The following KSR1 variants were observed in gnomAD, a reference collection of about 807,000 sequenced individuals.
KSR1 encodes the protein kinase suppressor of ras.
Under a neutral mutation model 92.9 loss-of-function variants are expected in KSR1, and 35 were observed. The ratio of observed to expected loss-of-function variants is 0.38; its 90% CI spans 0.29 to 0.50. The LOEUF (loss-of-function observed/expected upper bound fraction) is 0.50. KSR1 is among the 20% of genes least tolerant of loss of function. KSR1 has a pLI of 0.94. For missense variants in KSR1, 972 were observed against 1,158.5 expected (o/e 0.84, Z 2.34); for synonymous variants, 467 against 472.6 (o/e 0.99, Z 0.15).
At chr17:27,496,188 G>C (rs757021959) in intron 1 of KSR1, among the ~76,000 whole-genome samples, 5 of 152,292 alleles carry the variant, frequency 3.3e-5, no homozygotes, top group Admixed American at 2.0e-4. Context: ...TTGAGTAAGA[G>C]AGTGAGGCCC....
Position 27,583,111 on chromosome 17 carries a change from T to C in KSR1, c.980+6T>C. Reference sequence around the variant, plus strand: ...GATGACGTCTCCTCGATGAGGTGAGTGCTCCTTCTGGGCAGCTACCAAAAG... The same window carrying C: ...GATGACGTCTCCTCGATGAGGTGAGCGCTCCTTCTGGGCAGCTACCAAAAG... On this transcript the variant is annotated splice_donor_region_variant and intron_variant, in intron 4 of 20. Coordinates refer to ENST00000644974, the MANE Select transcript of KSR1 (RefSeq NM_001394583.1). 1 of 1,523,282 alleles carries C rather than the reference T, an allele frequency of 6.6e-7. No homozygotes were observed. Among genetic ancestry groups the C allele is most frequent in the East Asian group, 2.3e-5 (1 of 43,362 alleles). 94.4% of individuals were successfully genotyped at this position (1,523,282 alleles called of 1,614,324 possible).
chr17:27,483,326 G>A lies in KSR1; in HGVS notation c.231+26452G>A, dbSNP rs553733896. The stretch of plus-strand genomic sequence containing the variant: ...GACCCAGCTGGGCACAGTGGCTCAC[G>A]CCTGTAATCCCAGCACTTTGGGAGG... On this transcript the variant is annotated intron_variant, in intron 1 of 20. Coordinates refer to ENST00000644974, the MANE Select transcript of KSR1 (RefSeq NM_001394583.1). Among the ~76,000 whole-genome samples, 138 of 152,200 alleles carry A rather than the reference G, an allele frequency of 9.1e-4. 2 individuals are homozygous for A. The South Asian group carries it at 0.017, about 19-fold the overall frequency.
intron 1 of KSR1, among the ~76,000 whole-genome samples, chr17:27,517,281 CT>C (rs1396004003): frequency 6.6e-6 from 1 of 152,174 alleles, no homozygotes; most frequent in Non-Finnish European, 1.5e-5. Context: ...AACCCAGACA[CT>C]TGTTTCTATT....
chr17:27,518,320 C>A (rs1323874862), intron 1 of KSR1, among the ~76,000 whole-genome samples: 1 of 152,168 alleles, frequency 6.6e-6, no homozygotes, highest in Non-Finnish European at 1.5e-5. Flanking sequence ...ATTTCTCAAT[C>A]CACTTAATAC....
At chr17:27,618,992 G>A (rs559696428) in intron 19 of KSR1, among the ~76,000 whole-genome samples, 143 of 151,928 alleles carry the variant, frequency 9.4e-4, no homozygotes, top group African/African-American at 3.4e-3. Context: ...CACTGCGCCC[G>A]GCCAGTTATA....
chr17:27,574,657 T>C (rs1298723301), intron 2 of KSR1, among the ~76,000 whole-genome samples: 1 of 152,220 alleles, frequency 6.6e-6, no homozygotes, highest in Non-Finnish European at 1.5e-5. Context: ...GCCAGTATCT[T>C]CATTAGGGTT....
At chr17:27,515,805 A>G (rs1461298260) in intron 1 of KSR1, among the ~76,000 whole-genome samples, 2 of 152,074 alleles carry the variant, frequency 1.3e-5, no homozygotes, top group East Asian at 3.9e-4. Context: ...GGGGGAAACC[A>G]TAGACTCTCC....
chr17:27,491,565 TGGG>T (rs2068833696), intron 1 of KSR1, among the ~76,000 whole-genome samples: 1 of 152,156 alleles, frequency 6.6e-6, no homozygotes, highest in Non-Finnish European at 1.5e-5. Flanking sequence ...AGTACTTACT[TGGG>T]GGGATAGAGG....
intron 1 of KSR1, among the ~76,000 whole-genome samples, chr17:27,514,085 A>G (rs1403370010): frequency 2.0e-5 from 3 of 152,284 alleles, no homozygotes; most frequent in African/African-American, 7.2e-5. Context: ...GCCATAAAGC[A>G]CTTTTTGTTT....
At chr17:27,595,968 C>T (rs1254338569) in intron 9 of KSR1, among the ~76,000 whole-genome samples, 2 of 152,174 alleles carry the variant, frequency 1.3e-5, no homozygotes, top group Admixed American at 6.5e-5. Context: ...CATGGTGGCA[C>T]GTAGCGTGGA....
chr17:27,462,813 T>G (rs2019511866), intron 1 of KSR1, among the ~76,000 whole-genome samples: 1 of 152,266 alleles, frequency 6.6e-6, no homozygotes, highest in African/African-American at 2.4e-5. Flanking sequence ...TTTTGTTGTA[T>G]ATTCTTCCTG....
intron 11 of KSR1, chr17:27,602,029 C>A: frequency 1.9e-6 from 2 of 1,056,440 alleles, no homozygotes; most frequent in Non-Finnish European, 1.4e-6. Context: ...CCTTTTCATT[C>A]CTGCCCCTAA....
chr17:27,497,404 G>A (rs1335629405), intron 1 of KSR1, among the ~76,000 whole-genome samples: 1 of 152,244 alleles, frequency 6.6e-6, no homozygotes, highest in African/African-American at 2.4e-5. Flanking sequence ...GTGCCCAGAT[G>A]TGGCTGCATT....
At chr17:27,511,773 C>G (rs987430121) in intron 1 of KSR1, among the ~76,000 whole-genome samples, 1 of 152,234 alleles carries the variant, frequency 6.6e-6, no homozygotes, top group Non-Finnish European at 1.5e-5. Flanking sequence ...GGTCAGACTC[C>G]TCTGCATCCC....
intron 1 of KSR1, among the ~76,000 whole-genome samples, chr17:27,542,701 T>C (rs1238473117): frequency 6.6e-6 from 1 of 152,176 alleles, no homozygotes; most frequent in Non-Finnish European, 1.5e-5. Context: ...TGCTCCTCCT[T>C]TTCGAGGTCA....
chr17:27,491,544 A>G lies in KSR1; in HGVS notation c.231+34670A>G, dbSNP rs564933457. On this transcript the variant is annotated intron_variant, in intron 1 of 20. Coordinates refer to ENST00000644974, the MANE Select transcript of KSR1 (RefSeq NM_001394583.1). ...GAACCAGCTGGGAAGGCTACAGACC[A>G]AACTCCTAATAGTACTTACTTGGGG... Among the ~76,000 whole-genome samples, 38 of 152,296 alleles carry G rather than the reference A, an allele frequency of 2.5e-4. No individual in the cohort carries two copies. The South Asian group carries it at 5.0e-3, about 20-fold the overall frequency.
chr17:27,502,764 G>A (rs2150984339), intron 1 of KSR1, among the ~76,000 whole-genome samples: 1 of 152,372 alleles, frequency 6.6e-6, no homozygotes, highest in South Asian at 2.1e-4. Flanking sequence ...GGGTGCAAAT[G>A]GCAAGAATTC....
At chr17:27,560,420 G>T (rs1192658730) in intron 2 of KSR1, 1 of 519,086 alleles carries the variant, frequency 1.9e-6, no homozygotes, top group Admixed American at 1.9e-5. Context: ...AGCTCTTACT[G>T]CTGGTGGTTC....
intron 1 of KSR1, among the ~76,000 whole-genome samples, chr17:27,501,799 T>C (rs1448450383): frequency 6.6e-6 from 1 of 152,250 alleles, no homozygotes; most frequent in East Asian, 1.9e-4. Context: ...GCACCCAGCT[T>C]GTTATAATTT....
Sources: gnomAD v4.1 joint callset for allele counts (sites outside exome capture counted in the v4.1 genomes callset) on GRCh38, gnomAD v4.1.1 for gene constraint, MANE v1.5 for transcripts, NCBI Gene and HGNC (gene_info 2026-07-23, HGNC 2026-07-21) for gene names.